The following UTRN variants were observed in gnomAD, a reference collection of about 807,000 sequenced individuals.
UTRN encodes utrophin.
A neutral mutation model predicts 463.9 loss-of-function variants in UTRN; 283 were observed. The ratio of observed to expected loss-of-function variants is 0.61; its 90% CI spans 0.55 to 0.67. UTRN has a LOEUF of 0.67. Ranked by LOEUF, UTRN falls within the 30% of genes least tolerant of loss-of-function variation. UTRN has a pLI of 0.00. For synonymous variants in UTRN, 1,442 were observed against 1,431.5 expected (o/e 1.01, Z -0.17); for missense variants, 3,922 against 4,084.3 (o/e 0.96, Z 1.08).
At chr6:144,331,060 C>T (rs1776300046) in intron 2 of UTRN, 2 of 980,528 alleles carry the variant, frequency 2.0e-6, no homozygotes, top group South Asian at 9.4e-5. Flanking sequence ...ATTTTGTCCA[C>T]CTGTTCATTG....
At chr6:144,665,447 C>A (rs1055871680) in intron 51 of UTRN, among the ~76,000 whole-genome samples, 1 of 151,028 alleles carries the variant, frequency 6.6e-6, no homozygotes, top group Non-Finnish European at 1.5e-5. Flanking sequence ...GCTTTATAAT[C>A]AAGTAGTAGC....
chr6:144,526,180 G>A (rs143131674), intron 41 of UTRN, among the ~76,000 whole-genome samples: 433 of 152,226 alleles, frequency 2.8e-3, no homozygotes, highest in Non-Finnish European at 4.5e-3. Context: ...AGAATGTTCC[G>A]TAAGTATCTG....
At chr6:144,575,783 G>T (rs535384052) in intron 50 of UTRN, among the ~76,000 whole-genome samples, 1 of 152,168 alleles carries the variant, frequency 6.6e-6, no homozygotes, top group East Asian at 1.9e-4. Context: ...GATCAGGAGG[G>T]ACTGCTGTAT....
At chr6:144,426,215 G>A in intron 6 of UTRN, 72 bp from the exon 7 acceptor site, 2 of 1,506,584 alleles carry the variant, frequency 1.3e-6, no homozygotes, top group Non-Finnish European at 1.8e-6. Flanking sequence ...CTTTTTCAAG[G>A]ACTTCATTGA....
chr6:144,595,435 A>G (rs1270980433), intron 51 of UTRN, among the ~76,000 whole-genome samples: 1 of 152,212 alleles, frequency 6.6e-6, no homozygotes, highest in Non-Finnish European at 1.5e-5. Flanking sequence ...AGGCGGAAGA[A>G]TGTTGAATAC....
intron 51 of UTRN, among the ~76,000 whole-genome samples, chr6:144,627,666 G>A (rs547778777): frequency 6.6e-6 from 1 of 152,062 alleles, no homozygotes; most frequent in East Asian, 1.9e-4. Context: ...CTGTACCTGA[G>A]AATTTGACTA....
Position 144,437,612 on chromosome 6 carries a change from C to A in UTRN, c.1107C>A (p.Val369=). Reference sequence around the variant, plus strand: ...CACACCAGAGCAGTGTGGGCAGCGTCCTGCAGGCAGGCAACCAACTGATAA... The same window carrying A: ...CACACCAGAGCAGTGTGGGCAGCGTACTGCAGGCAGGCAACCAACTGATAA... The part of the protein sequence containing the change: ...LTAHQSSVGS[V]LQAGNQLITQ... The change falls in exon 11 of 75, where the codon GTC becomes GTA. Residue 369 remains valine (V), a synonymous_variant. Coordinates refer to ENST00000367545, the MANE Select transcript of UTRN (RefSeq NM_007124.3). 6.2e-7 allele frequency: 1 copy of A among 1,613,962 alleles called. No homozygotes were observed.
intron 52 of UTRN, among the ~76,000 whole-genome samples, chr6:144,681,612 G>A (rs1031915297): frequency 1.3e-5 from 2 of 151,902 alleles, no homozygotes; most frequent in Non-Finnish European, 2.9e-5. Flanking sequence ...GGACTAAAGA[G>A]ACAGAAGGGG....
chr6:144,430,033 T>C (rs2114868459), intron 9 of UTRN, among the ~76,000 whole-genome samples: 1 of 152,342 alleles, frequency 6.6e-6, no homozygotes, highest in East Asian at 1.9e-4. Context: ...TTTCACATCA[T>C]CTGGTTGCCA....
At chr6:144,548,603 T>C (rs1231177243) in intron 46 of UTRN, 37 bp from the exon 47 acceptor site, 2 of 1,584,570 alleles carry the variant, frequency 1.3e-6, no homozygotes, top group East Asian at 2.2e-5. Flanking sequence ...AAACATCCTG[T>C]TGATTAATTT....
chr6:144,466,457 A>T (rs1037082285), intron 23 of UTRN, among the ~76,000 whole-genome samples: 1 of 152,164 alleles, frequency 6.6e-6, no homozygotes, highest in Non-Finnish European at 1.5e-5. Context: ...TCATTGTGTT[A>T]TGCCCAAATA....
intron 2 of UTRN, among the ~76,000 whole-genome samples, chr6:144,296,668 C>T (rs1264199974): frequency 6.6e-6 from 1 of 152,246 alleles, no homozygotes; most frequent in Non-Finnish European, 1.5e-5. Context: ...ACTCACAAGA[C>T]ATTTTATTCC....
chr6:144,491,206 A>G (rs1793042099), intron 32 of UTRN, 104 bp downstream of exon 32: 2 of 1,120,088 alleles, frequency 1.8e-6, no homozygotes, highest in East Asian at 2.5e-5. Flanking sequence ...ACTAGTCTAC[A>G]GTGTGCTAAA....
intron 2 of UTRN, among the ~76,000 whole-genome samples, chr6:144,336,994 T>C (rs376118249): frequency 6.6e-6 from 1 of 152,100 alleles, no homozygotes; most frequent in African/African-American, 2.4e-5. Flanking sequence ...TTCCATGTAG[T>C]GTTTTTCTGT....
At chr6:144,604,865 A>C (rs1804668573) in intron 51 of UTRN, among the ~76,000 whole-genome samples, 1 of 152,116 alleles carries the variant, frequency 6.6e-6, no homozygotes, top group Non-Finnish European at 1.5e-5. Context: ...CAGTGAGCCG[A>C]GATTGCACCG....
chr6:144,426,545 C>G (rs1319328245), intron 7 of UTRN, 86 bp downstream of exon 7: 1 of 1,367,448 alleles, frequency 7.3e-7, no homozygotes, highest in African/African-American at 1.5e-5. Flanking sequence ...TCCCTGAAGC[C>G]CCTTCTCCAG....
rs74957938 is a variant in UTRN, at chr6:144,548,708, A to G, written c.6664A>G (p.Thr2222Ala). The G allele has an allele frequency of 7.0e-4, 1,130 of 1,614,038 alleles. 7 individuals carry two copies. The African/African-American group carries it at 0.014, about 19-fold the overall frequency. The change falls in exon 47 of 75, where the codon ACT (threonine) becomes GCT (alanine). Residue 2222 changes from threonine (T) to alanine (A), a missense_variant. Thr to Ala is a moderately conservative substitution (Grantham distance 58). This residue lies in a region of UTRN where 2,349 missense variants were observed against 2,303.8 expected (regional missense o/e 1.02). Transcript: ENST00000367545. ...AGATATTCCTGTTCAGTCTCATCGT[A>G]CTTCGGAAATTTCAATTCCTGCTGA... ...ASDIPVQSHR[T>A]SEISIPADLD...
intron 2 of UTRN, among the ~76,000 whole-genome samples, chr6:144,303,771 A>T (rs1349879497): frequency 6.6e-6 from 1 of 152,316 alleles, no homozygotes; most frequent in East Asian, 1.9e-4. Context: ...CTCATCTTAA[A>T]TGAAGGTAAA....
At chr6:144,653,937 A>G (rs1779075436) in intron 51 of UTRN, among the ~76,000 whole-genome samples, 1 of 152,252 alleles carries the variant, frequency 6.6e-6, no homozygotes, top group African/African-American at 2.4e-5. Context: ...ACTGATTTCC[A>G]TGAAAGGTGC....
Sources: gnomAD v4.1 joint callset for allele counts (sites outside exome capture counted in the v4.1 genomes callset) on GRCh38, gnomAD v4.1.1 for gene constraint, gnomAD v4.1.1 regional missense constraint, MANE v1.5 for transcripts, NCBI Gene and HGNC (gene_info 2026-07-23, HGNC 2026-07-21) for gene names.